The following B3GALNT2 variants were observed in gnomAD, a reference collection of about 807,000 sequenced individuals.
B3GALNT2 encodes the protein beta-1,3-N-acetylgalactosaminyltransferase 2.
A neutral mutation model predicts 61.1 loss-of-function variants in B3GALNT2; 53 were observed. The observed-to-expected ratio is 0.87, with a 90% confidence interval of 0.70 to 1.09. The LOEUF is 1.09. Ranked by LOEUF, B3GALNT2 falls within the 50% of genes least tolerant of loss-of-function variation. The pLI, the probability that B3GALNT2 is intolerant of heterozygous loss-of-function variation, is 0.00. For synonymous variants in B3GALNT2, 223 were observed against 237.4 expected, an observed-to-expected ratio of 0.94 and a Z score of 0.56; for missense variants, 544 against 623.0, an observed-to-expected ratio of 0.87 and a Z score of 1.35.
Position 235,448,390 on chromosome 1 carries a change from C to G in B3GALNT2, c.*1816G>C, listed in dbSNP as rs752398838. ...AAAGGTGAAGGGATTGCTGTCACGTCTTCTCAAAGTTCCTGTGTCAGACCT... is the reference window on the plus strand; with the variant it reads ...AAAGGTGAAGGGATTGCTGTCACGTGTTCTCAAAGTTCCTGTGTCAGACCT... On this transcript the variant is annotated 3_prime_UTR_variant, in exon 12 of 12. Coordinates refer to ENST00000366600, the MANE Select transcript of B3GALNT2 (RefSeq NM_152490.5). 1.2e-6 allele frequency: 2 copies of G among 1,614,082 alleles called. No homozygotes were observed. Among genetic ancestry groups the G allele is most frequent in the South Asian group, 2.2e-5 (2 of 91,084 alleles).
chr1:235,450,340 C>T lies in B3GALNT2; in HGVS notation c.1369G>A (p.Asp457Asn). ...GTCTTCTCACACAGCCACAGACTGT[C>T]CTGTTGAGAAACAACCAAAGCCGAT... ...MAAIGPKRYQDSLWLCEKTCE... is the reference protein window; with the variant it reads ...MAAIGPKRYQNSLWLCEKTCE... Residue 457 changes from aspartate to asparagine, a missense_variant and splice_region_variant, in exon 12 of 12, where the codon GAC becomes AAC. Physicochemically the swap from Asp to Asn is conservative, Grantham distance 23. Coordinates refer to ENST00000366600, the MANE Select transcript of B3GALNT2 (RefSeq NM_152490.5). The T allele has an allele frequency of 1.2e-6, 2 of 1,613,928 alleles. No individual in the cohort carries two copies. The highest frequency in any genetic ancestry group is 1.7e-6 in the Non-Finnish European group (2 of 1,179,872).
At chr1:235,461,582 T>C (rs190103259) in intron 7 of B3GALNT2, among the ~76,000 whole-genome samples, 2 of 139,612 alleles carry the variant, frequency 1.4e-5, no homozygotes, top group Non-Finnish European at 3.1e-5. Flanking sequence ...AGTAGCGCTA[T>C]CTCGGCTCAC....
chr1:235,475,359 G>A (rs997389543), intron 5 of B3GALNT2, among the ~76,000 whole-genome samples: 2 of 151,946 alleles, frequency 1.3e-5, no homozygotes, highest in Admixed American at 6.6e-5. Flanking sequence ...CACTTGTGAC[G>A]CCCACTGAGA....
chr1:235,443,165 T>TACAC (rs759694992), downstream of B3GALNT2, among the ~76,000 whole-genome samples: 77 of 148,506 alleles, frequency 5.2e-4, no homozygotes, highest in African/African-American at 1.4e-3. Context: ...TGCATATAAT[T>TACAC]ACACACACAC....
chr1:235,470,550 C>G (rs987680261), intron 6 of B3GALNT2, among the ~76,000 whole-genome samples: 1 of 146,444 alleles, frequency 6.8e-6, no homozygotes, highest in African/African-American at 2.6e-5. Flanking sequence ...TGCACCCCAG[C>G]CTGTGCAACA....
chr1:235,447,958 C>T lies in B3GALNT2; in HGVS notation c.*2248G>A, dbSNP rs963204819. On this transcript the variant is annotated 3_prime_UTR_variant, in exon 12 of 12. Transcript: ENST00000366600. ...CAGGCGCTGGGCTCATGCTTGTAAT[C>T]CCAGCACTTTGGGGGGCCAGGGCGG... 1.3e-5 allele frequency among the ~76,000 whole-genome samples: 2 copies of T among 151,922 alleles called. No individual in the cohort carries two copies. Among genetic ancestry groups the T allele is most frequent in the Admixed American group, 6.6e-5 (1 of 15,254 alleles).
intron 6 of B3GALNT2, among the ~76,000 whole-genome samples, chr1:235,470,621 G>GC (rs1470554292): frequency 1.3e-5 from 2 of 149,574 alleles, no homozygotes; most frequent in African/African-American, 4.9e-5. Context: ...TTTTAAAAAT[G>GC]CATCAATCTT....
downstream of B3GALNT2, among the ~76,000 whole-genome samples, chr1:235,445,510 C>T (rs377496550): frequency 3.2e-4 from 49 of 152,186 alleles, 1 homozygote; most frequent in African/African-American, 1.2e-3. Context: ...GTGGTGCATG[C>T]CTGTAGTCCC....
At chr1:235,495,517 C>T (rs1157037438) in intron 1 of B3GALNT2, among the ~76,000 whole-genome samples, 1 of 150,790 alleles carries the variant, frequency 6.6e-6, no homozygotes, top group Admixed American at 6.6e-5. Flanking sequence ...TGAAGAATGA[C>T]GGGAAAGCAA....
At chr1:235,441,704 A>G in the B3GALNT2 span, 1 of 979,050 alleles carries the variant, frequency 1.0e-6, no homozygotes, top group East Asian at 2.6e-5. Flanking sequence ...GTGTCCTGGG[A>G]AAGGCACAGG....
intron 6 of B3GALNT2, among the ~76,000 whole-genome samples, chr1:235,467,511 T>C (rs900137510): frequency 2.0e-5 from 3 of 148,456 alleles, no homozygotes; most frequent in Non-Finnish European, 3.0e-5. Flanking sequence ...TGAGACGAAG[T>C]CTTGCTCTTG....
At chr1:235,468,816 C>T (rs1489454209) in intron 6 of B3GALNT2, among the ~76,000 whole-genome samples, 1 of 152,100 alleles carries the variant, frequency 6.6e-6, no homozygotes, top group Non-Finnish European at 1.5e-5. Context: ...TTTAAAGTTT[C>T]ATAAATAGAA....
Position 235,458,917 on chromosome 1 carries a change from G to A in B3GALNT2, c.842-131C>T, listed in dbSNP as rs1683291218. The A allele has an allele frequency of 1.1e-5, 9 of 827,200 alleles. No individual in the cohort carries two copies. The South Asian group carries it at 2.2e-4, about 20-fold the overall frequency. The allele number at this position is 827,200 out of a possible 1,614,324, so 51.2% of individuals were successfully genotyped here. ...CACATGCAGTTGTTTGGAACTTTAG[G>A]TAGAAAAATGGGAACTCTCATACAC... On this transcript the variant is annotated intron_variant, in intron 7 of 11. Coordinates refer to ENST00000366600, the MANE Select transcript of B3GALNT2 (RefSeq NM_152490.5).
chr1:235,448,482 T>A lies in B3GALNT2; in HGVS notation c.*1724A>T. ...AATACAAAGTCAAAGTCAAGCTTAG[T>A]CCTCGTATTATGACATTAAACTGTC... On this transcript the variant is annotated 3_prime_UTR_variant, in exon 12 of 12. Transcript: ENST00000366600. The A allele has an allele frequency of 6.4e-7, 1 of 1,573,224 alleles. No individual in the cohort carries two copies. Among genetic ancestry groups the A allele is most frequent in the South Asian group, 1.1e-5 (1 of 90,220 alleles).
chr1:235,460,772 C>T (rs1173230726), intron 7 of B3GALNT2, among the ~76,000 whole-genome samples: 1 of 152,010 alleles, frequency 6.6e-6, no homozygotes, highest in African/African-American at 2.4e-5. Context: ...TGGGGTCTCG[C>T]TATGTTGTCC....
At chr1:235,484,194 G>A in intron 4 of B3GALNT2, 128 bp downstream of exon 4, 1 of 1,360,660 alleles carries the variant, frequency 7.3e-7, no homozygotes, top group Non-Finnish European at 9.5e-7. Flanking sequence ...AATAGGGGAA[G>A]AAAGGTGAAA....
At chr1:235,440,430 T>A in the B3GALNT2 span, among the ~76,000 whole-genome samples, 1 of 152,082 alleles carries the variant, frequency 6.6e-6, no homozygotes, top group Non-Finnish European at 1.5e-5. Context: ...TTCGCTCTTG[T>A]TGCCCAGACT....
chr1:235,496,050 G>A (rs1685303629), intron 1 of B3GALNT2: 1 of 152,680 alleles, frequency 6.5e-6, no homozygotes, highest in African/African-American at 2.4e-5. Context: ...GGTGGCTCAT[G>A]CCTGTAATCC....
chr1:235,482,054 C>T lies in B3GALNT2; in HGVS notation c.556-1905G>A, dbSNP rs541353703. On this transcript the variant is annotated intron_variant, in intron 4 of 11. Coordinates refer to ENST00000366600, the MANE Select transcript of B3GALNT2 (RefSeq NM_152490.5). ...TAATAATCAACATTAATAATACAAA[C>T]ACATTTTAAAAAACTGAACAGAGTT... Among the ~76,000 whole-genome samples, 4 of 152,222 alleles carry T rather than the reference C, an allele frequency of 2.6e-5. No homozygotes were observed. The East Asian group carries it at 7.7e-4, about 29-fold the overall frequency.
Sources: allele counts gnomAD v4.1 joint callset (sites outside exome capture counted in the v4.1 genomes callset), GRCh38; gene constraint gnomAD v4.1.1; transcripts MANE v1.5; gene names NCBI Gene and HGNC (gene_info 2026-07-23, HGNC 2026-07-21).